NMNAT3: variants seen among roughly 807,000 people sequenced by gnomAD.
The protein encoded by NMNAT3 is nicotinamide nucleotide adenylyltransferase 3, also known as nicotinamide/nicotinic acid mononucleotide adenylyltransferase 3.
In NMNAT3, 21 loss-of-function variants were observed where a neutral mutation model predicts 24.8. That is an observed-to-expected ratio of 0.85 (90% confidence interval 0.60 to 1.22). The LOEUF is 1.22. Ranked by LOEUF, NMNAT3 falls within the 50% of genes most tolerant of loss-of-function variation. NMNAT3 has a pLI of 0.00. For synonymous variants in NMNAT3, 136 were observed against 155.2 expected (o/e 0.88, Z 0.92); for missense variants, 387 against 436.6 (o/e 0.89, Z 1.01).
At chr3:139,573,183 T>C (rs1178929753) in intron 6 of NMNAT3, among the ~76,000 whole-genome samples, 1 of 152,202 alleles carries the variant, frequency 6.6e-6, no homozygotes, top group Non-Finnish European at 1.5e-5. Context: ...GAGTGAACCA[T>C]TGAGTAATTC....
intron 1 of NMNAT3, among the ~76,000 whole-genome samples, chr3:139,648,596 G>T (rs1425474966): frequency 6.6e-6 from 1 of 152,234 alleles, no homozygotes; most frequent in South Asian, 2.1e-4. Flanking sequence ...CGATAGGGAT[G>T]TGTAGGCATG....
intron 1 of NMNAT3, among the ~76,000 whole-genome samples, chr3:139,661,501 C>T (rs1179266616): frequency 6.6e-6 from 1 of 152,138 alleles, no homozygotes; most frequent in African/African-American, 2.4e-5. Context: ...AGACCTATCT[C>T]TACAGGAAAT....
At position 139,627,685 on chromosome 3, in the gene NMNAT3, AGC is replaced by A; in HGVS notation, c.38_39del (p.Gly13ValfsTer3). The A allele has an allele frequency of 6.3e-7, 1 of 1,596,062 alleles. No individual in the cohort carries two copies. Among genetic ancestry groups the A allele is most frequent in the South Asian group, 1.1e-5 (1 of 90,746 alleles). The stretch of plus-strand genomic sequence containing the variant: ...TGCATGTTGGTGATGGGGTTAAAGG[AGC>A]CACAGGCCAGGAGCACCACAGGTAT... On this transcript the variant is annotated frameshift_variant, in exon 3 of 7. Coordinates refer to ENST00000643695, the MANE Select transcript of NMNAT3 (RefSeq NM_001320510.2). LOFTEE classifies it high-confidence loss of function.
At chr3:139,622,753 TATATATATCATATATATCATATATATG>T (rs1182401778) in intron 3 of NMNAT3, among the ~76,000 whole-genome samples, 1 of 143,962 alleles carries the variant, frequency 6.9e-6, no homozygotes, top group Admixed American at 7.2e-5. Flanking sequence ...AGTGTGTGTG[TATATATATCATATATATCATATATATG>T]ATATATATAT....
chr3:139,651,740 G>A lies in NMNAT3; in HGVS notation c.-140-13678C>T, dbSNP rs373535029. On this transcript the variant is annotated intron_variant, in intron 1 of 6. Transcript: ENST00000643695. ...TCCTGGTCTCAGGGTCCCAGGCTCCGGGCAAGGGTGCAAAATGGCCTCCTT... is the reference window on the plus strand; with the variant it reads ...TCCTGGTCTCAGGGTCCCAGGCTCCAGGCAAGGGTGCAAAATGGCCTCCTT... Among the ~76,000 whole-genome samples, 20 of 152,236 alleles carry A rather than the reference G, an allele frequency of 1.3e-4. No individual in the cohort carries two copies. In the East Asian group the frequency reaches 1.9e-3, roughly 15 times the overall value.
intron 3 of NMNAT3, among the ~76,000 whole-genome samples, chr3:139,597,588 T>G (rs889959679): frequency 2.0e-5 from 3 of 152,228 alleles, no homozygotes; most frequent in Non-Finnish European, 2.9e-5. Flanking sequence ...TATTCAATTT[T>G]CTTTGTGCTA....
chr3:139,670,994 C>G (rs888264071), intron 1 of NMNAT3, among the ~76,000 whole-genome samples: 1 of 152,174 alleles, frequency 6.6e-6, no homozygotes, highest in Non-Finnish European at 1.5e-5. Context: ...GGAGCCAAAC[C>G]TGGCTTTAAC....
At chr3:139,577,873 T>C (rs1424451385) in intron 5 of NMNAT3, 2 of 152,220 alleles carry the variant, frequency 1.3e-5, no homozygotes, top group East Asian at 1.9e-4. Context: ...AACCAGGATA[T>C]AAAAACTAAA....
intron 6 of NMNAT3, chr3:139,565,342 A>T (rs939859753): frequency 6.6e-6 from 1 of 152,134 alleles, no homozygotes; most frequent in Non-Finnish European, 1.5e-5. Context: ...AAACTGAAAA[A>T]CATAGTTTTC....
At chr3:139,670,836 C>T (rs992453092) in intron 1 of NMNAT3, among the ~76,000 whole-genome samples, 2 of 152,140 alleles carry the variant, frequency 1.3e-5, no homozygotes, top group African/African-American at 4.8e-5. Context: ...CCTCCTTCCT[C>T]CCACAGTACT....
intron 5 of NMNAT3, 39 bp from the exon 6 acceptor site, chr3:139,573,719 TC>T: frequency 8.2e-7 from 1 of 1,224,566 alleles, no homozygotes; most frequent in South Asian, 1.6e-5. Context: ...ATGTCTGTCC[TC>T]CAGCCCTCAA....
intron 3 of NMNAT3, among the ~76,000 whole-genome samples, chr3:139,594,180 A>G (rs1377744244): frequency 6.6e-6 from 1 of 152,346 alleles, no homozygotes; most frequent in African/African-American, 2.4e-5. Context: ...AATACTACAA[A>G]CAACTCTATG....
intron 3 of NMNAT3, among the ~76,000 whole-genome samples, chr3:139,601,166 TC>T (rs995317166): frequency 1.8e-4 from 28 of 152,162 alleles, no homozygotes; most frequent in African/African-American, 6.0e-4. Context: ...GCACTGGACA[TC>T]CTCCATGTGT....
chr3:139,622,667 G>A (rs2055835221), intron 3 of NMNAT3, among the ~76,000 whole-genome samples: 1 of 150,114 alleles, frequency 6.7e-6, no homozygotes, highest in East Asian at 1.9e-4. Flanking sequence ...CATGGGAGGT[G>A]GAGGTTGCTG....
At chr3:139,653,808 TCA>T (rs879552454) in intron 1 of NMNAT3, among the ~76,000 whole-genome samples, 9 of 152,242 alleles carry the variant, frequency 5.9e-5, no homozygotes, top group Admixed American at 5.2e-4. Context: ...ACTGCTTGAG[TCA>T]CAGTCAGCAA....
intron 1 of NMNAT3, among the ~76,000 whole-genome samples, chr3:139,659,322 G>A (rs2057343246): frequency 6.6e-6 from 1 of 152,178 alleles, no homozygotes; most frequent in African/African-American, 2.4e-5. Context: ...GAGAGTGTAT[G>A]AAGAACATAA....
intron 3 of NMNAT3, among the ~76,000 whole-genome samples, chr3:139,616,669 T>C (rs1187568315): frequency 6.6e-6 from 1 of 152,188 alleles, no homozygotes; most frequent in Admixed American, 6.5e-5. Flanking sequence ...CTTCTAATTA[T>C]ACCTTCACTG....
chr3:139,574,916 C>T (rs1243439536), intron 5 of NMNAT3, among the ~76,000 whole-genome samples: 2 of 152,160 alleles, frequency 1.3e-5, no homozygotes, highest in Non-Finnish European at 2.9e-5. Context: ...CTGGCTCTAA[C>T]TGGTAGCTCT....
chr3:139,656,668 TGTA>T (rs2057254472), intron 1 of NMNAT3, among the ~76,000 whole-genome samples: 1 of 152,084 alleles, frequency 6.6e-6, no homozygotes. Flanking sequence ...GGTGCATGCT[TGTA>T]GTCCCAGCTA....
Sources: allele counts gnomAD v4.1 joint callset (sites outside exome capture counted in the v4.1 genomes callset), GRCh38; gene constraint gnomAD v4.1.1; transcripts MANE v1.5; gene names NCBI Gene and HGNC (gene_info 2026-07-23, HGNC 2026-07-21).